The following SH3PXD2A variants were observed in gnomAD, a reference collection of about 807,000 sequenced individuals.
The protein encoded by SH3PXD2A is SH3 and PX domains 2A, also known as SH3 and PX domain-containing protein 2A.
A neutral mutation model predicts 115.2 loss-of-function variants in SH3PXD2A; 32 were observed. That is an observed-to-expected ratio of 0.28 (90% CI 0.21 to 0.37). The LOEUF is 0.37. Among genes scored for constraint, SH3PXD2A ranks in the 10% least tolerant of loss-of-function variants. The probability of loss-of-function intolerance (pLI) is 1.00; values close to 1 mark genes in which losing one functional copy is unlikely to be tolerated. For missense variants in SH3PXD2A, 1,328 were observed against 1,498.7 expected (o/e 0.89, Z 1.88); for synonymous variants, 610 against 629.1 (o/e 0.97, Z 0.45).
At chr10:103,652,237 G>A (rs1418395420) in intron 8 of SH3PXD2A, among the ~76,000 whole-genome samples, 1 of 152,252 alleles carries the variant, frequency 6.6e-6, no homozygotes, top group African/African-American at 2.4e-5. Context: ...AGAGGGAAAT[G>A]AACTCGGGGG....
intron 5 of SH3PXD2A, among the ~76,000 whole-genome samples, chr10:103,721,204 C>A (rs1363595898): frequency 3.3e-5 from 5 of 152,240 alleles, no homozygotes; most frequent in Non-Finnish European, 7.3e-5. Context: ...ACTTCCTGTG[C>A]ACCAGTAGCA....
At chr10:103,687,404 A>C (rs2037692450) in intron 6 of SH3PXD2A, among the ~76,000 whole-genome samples, 1 of 152,204 alleles carries the variant, frequency 6.6e-6, no homozygotes, top group South Asian at 2.1e-4. Context: ...TCAGAGGCGA[A>C]GGGATTTGCC....
chr10:103,757,439 C>T (rs1054147931), intron 3 of SH3PXD2A, among the ~76,000 whole-genome samples: 1 of 152,080 alleles, frequency 6.6e-6, no homozygotes, highest in Non-Finnish European at 1.5e-5. Flanking sequence ...TCAGAAAGTT[C>T]CTGGGGAAGA....
intron 1 of SH3PXD2A, among the ~76,000 whole-genome samples, chr10:103,841,393 C>G (rs887202040): frequency 5.3e-5 from 8 of 152,256 alleles, no homozygotes; most frequent in Middle Eastern, 3.4e-3. Context: ...TGGTGTGTAC[C>G]CTGCCTTTGG....
At chr10:103,662,341 C>CGGGGGGGGGGGG (rs1196791691) in intron 7 of SH3PXD2A, among the ~76,000 whole-genome samples, 1 of 10,634 alleles carries the variant, frequency 9.4e-5, no homozygotes, top group African/African-American at 2.7e-4. Context: ...CCATTATTGG[C>CGGGGGGGGGGGG]GGGGGGGGGG....
chr10:103,601,962 C>A lies in SH3PXD2A; in HGVS notation c.3256G>T (p.Asp1086Tyr). 1.2e-6 allele frequency: 2 copies of A among 1,614,122 alleles called. No homozygotes were observed. The highest frequency in any genetic ancestry group is 8.5e-7 in the Non-Finnish European group (1 of 1,180,000). Residue 1086 changes from aspartate to tyrosine, a missense_variant, in exon 15 of 15, where the codon GAT (aspartate) becomes TAT (tyrosine). This residue lies in a region of SH3PXD2A where 45 missense variants were observed against 73.6 expected (regional missense o/e 0.61). Coordinates refer to ENST00000369774, the MANE Select transcript of SH3PXD2A (RefSeq NM_001394015.1). ...TCCTGGAAGCCTGCTGTCTCCTCAT[C>A]CCCCTCGTAGTCTGCGATAGAGACG... ...VYVSIADYEG[D>Y]EETAGFQEGV...
chr10:103,638,602 G>A (rs1219433298), intron 8 of SH3PXD2A, among the ~76,000 whole-genome samples: 1 of 152,262 alleles, frequency 6.6e-6, no homozygotes, highest in African/African-American at 2.4e-5. Context: ...CTACTTGCCA[G>A]CTGCATGAAT....
At position 103,668,629 on chromosome 10, in the gene SH3PXD2A, A is replaced by C. The variant is rs1592291572; in HGVS notation, c.451T>G (p.Ser151Ala). 1 of 1,558,426 alleles carries C rather than the reference A, an allele frequency of 6.4e-7. No homozygotes were observed. The highest frequency in any genetic ancestry group is 8.7e-7 in the Non-Finnish European group (1 of 1,150,932). Residue 151 changes from serine (S) to alanine (A), a missense_variant, in exon 7 of 15, where the codon TCG (serine) becomes GCG (alanine). Transcript: ENST00000369774. Reference sequence around the variant, plus strand: ...GTACCTGTCACGTCCTTCTTGGGCGACTCAGCCCAGCTGGACAGCCACACT... The same window carrying C: ...GTACCTGTCACGTCCTTCTTGGGCGCCTCAGCCCAGCTGGACAGCCACACT... The part of the protein sequence containing the change: ...KSVWLSSWAE[S>A]PKKDVTGADA...
intron 5 of SH3PXD2A, among the ~76,000 whole-genome samples, chr10:103,710,860 A>C (rs991283947): frequency 6.6e-6 from 1 of 151,960 alleles, no homozygotes; most frequent in Non-Finnish European, 1.5e-5. Context: ...ACATAGCAAG[A>C]CCCAATGTCT....
chr10:103,834,613 C>A (rs532882975), intron 1 of SH3PXD2A, among the ~76,000 whole-genome samples: 1 of 152,332 alleles, frequency 6.6e-6, no homozygotes, highest in East Asian at 1.9e-4. Context: ...GGGAGGGAGC[C>A]AACTGCTTCG....
chr10:103,642,254 C>A (rs939601533), intron 8 of SH3PXD2A, among the ~76,000 whole-genome samples: 1 of 151,696 alleles, frequency 6.6e-6, no homozygotes, highest in Non-Finnish European at 1.5e-5. Flanking sequence ...AAAGCACACA[C>A]GATGAAAACA....
chr10:103,703,914 C>G (rs764315876), intron 5 of SH3PXD2A, among the ~76,000 whole-genome samples: 1 of 152,078 alleles, frequency 6.6e-6, no homozygotes, highest in African/African-American at 2.4e-5. Context: ...GGTTCAAATC[C>G]CAGCTCTGCC....
Position 103,596,663 on chromosome 10 carries a change from A to ACACCCTCTCTCTCT in SH3PXD2A, c.*5152_*5153insAGAGAGAGAGGGTG. 1 of 124,440 alleles carries ACACCCTCTCTCTCT rather than the reference A, an allele frequency of 8.0e-6. No homozygotes were observed. Among genetic ancestry groups the ACACCCTCTCTCTCT allele is most frequent in the African/African-American group, 3.2e-5 (1 of 31,676 alleles). The allele number at this position is 124,440 out of a possible 1,614,324, so 7.7% of individuals were successfully genotyped here. A position where few individuals can be genotyped will look rare whatever the true frequency, so the allele number is the denominator to read the frequency against. Reference sequence around the variant, plus strand: ...CACACACACACACACACACACACACACTCTCTCTCTCTCTCTCTCTCTCAC... The same window carrying ACACCCTCTCTCTCT: ...CACACACACACACACACACACACACACACCCTCTCTCTCTCTCTCTCTCTCTCTCTCTCTCTCAC... On this transcript the variant is annotated 3_prime_UTR_variant, in exon 15 of 15. Transcript: ENST00000369774.
At chr10:103,635,244 G>T (rs529663741) in intron 8 of SH3PXD2A, among the ~76,000 whole-genome samples, 1 of 152,238 alleles carries the variant, frequency 6.6e-6, no homozygotes, top group African/African-American at 2.4e-5. Flanking sequence ...GCCACACCTG[G>T]CTTCTTCCCT....
At chr10:103,835,202 C>T (rs1052759266) in intron 1 of SH3PXD2A, among the ~76,000 whole-genome samples, 5 of 152,206 alleles carry the variant, frequency 3.3e-5, no homozygotes, top group African/African-American at 1.2e-4. Flanking sequence ...GTACGAAAGG[C>T]CCAGGCTGGG....
rs142365321 is a variant in SH3PXD2A at position 103,808,175 on chromosome 10, C to T, written c.73-6813G>A. Among the ~76,000 whole-genome samples the T allele has an allele frequency of 9.8e-3, 1,495 of 152,254 alleles. 26 individuals carry two copies. The highest frequency in any genetic ancestry group is 0.033 in the African/African-American group (1,390 of 41,544). ...GCCTACATCAAACGCCGGCCCAGAG[C>T]CCCATCTCCTCCCTGCTGTGGCCCA... On this transcript the variant is annotated intron_variant, in intron 1 of 14. Coordinates refer to ENST00000369774, the MANE Select transcript of SH3PXD2A (RefSeq NM_001394015.1).
At chr10:103,829,185 G>C (rs939663583) in intron 1 of SH3PXD2A, among the ~76,000 whole-genome samples, 3 of 152,184 alleles carry the variant, frequency 2.0e-5, no homozygotes, top group African/African-American at 7.2e-5. Context: ...ATTTAATAGT[G>C]ATCTGTAGGA....
At chr10:103,831,139 G>A (rs546074704) in intron 1 of SH3PXD2A, among the ~76,000 whole-genome samples, 4 of 152,094 alleles carry the variant, frequency 2.6e-5, no homozygotes, top group Non-Finnish European at 5.9e-5. Context: ...TAAATGGATC[G>A]ATATTTCCAT....
At chr10:103,684,125 G>A (rs2037645848) in intron 6 of SH3PXD2A, among the ~76,000 whole-genome samples, 1 of 152,154 alleles carries the variant, frequency 6.6e-6, no homozygotes, top group Admixed American at 6.5e-5. Context: ...TTACCTTGCG[G>A]GGAAGGGAGG....
Sources: allele counts gnomAD v4.1 joint callset (sites outside exome capture counted in the v4.1 genomes callset), GRCh38; gene constraint gnomAD v4.1.1; regional missense constraint gnomAD v4.1.1; transcripts MANE v1.5; gene names NCBI Gene and HGNC (gene_info 2026-07-23, HGNC 2026-07-21).